The following CLNK variants were observed in gnomAD, a reference collection of about 807,000 sequenced individuals.
CLNK encodes the protein cytokine-dependent hematopoietic cell linker.
In CLNK, 74 loss-of-function variants were observed where a neutral mutation model predicts 68.6. The observed-to-expected ratio is 1.08, with a 90% confidence interval of 0.89 to 1.31. The LOEUF (loss-of-function observed/expected upper bound fraction) is 1.31, where lower values mean the gene tolerates loss of function less well. Among genes scored for constraint, CLNK ranks in the 50% most tolerant of loss-of-function variants. The probability of loss-of-function intolerance (pLI) is 0.00; values close to 1 mark genes in which losing one functional copy is unlikely to be tolerated. For synonymous variants in CLNK, 198 were observed against 172.2 expected (o/e 1.15, Z -1.17); for missense variants, 553 against 515.3 (o/e 1.07, Z -0.71).
chr4:10,704,804 A>C, the CLNK span, among the ~76,000 whole-genome samples: 2 of 152,216 alleles, frequency 1.3e-5, no homozygotes, highest in African/African-American at 4.8e-5. Context: ...TGGAACAATA[A>C]ATGACACAAT....
rs1311320720 is a variant in CLNK at position 10,562,789 on chromosome 4, G to A, written c.399+1882C>T. ...TTTTTTCCTTGACCTTCCTTGTCCT[G>A]CATTATCATTATTTTTCAAAGTACA... On this transcript the variant is annotated intron_variant, in intron 7 of 18. Transcript: ENST00000226951. Among the ~76,000 whole-genome samples the A allele has an allele frequency of 2.0e-5, 3 of 152,052 alleles. No individual in the cohort carries two copies. The East Asian group carries it at 5.8e-4, about 29-fold the overall frequency.
At chr4:10,638,654 A>T (rs911997969) in intron 2 of CLNK, among the ~76,000 whole-genome samples, 11 of 152,238 alleles carry the variant, frequency 7.2e-5, no homozygotes, top group African/African-American at 2.2e-4. Flanking sequence ...TTAAAGCTAG[A>T]GTTGCCCACC....
At chr4:10,600,017 C>T (rs903499941) in intron 2 of CLNK, among the ~76,000 whole-genome samples, 1 of 152,134 alleles carries the variant, frequency 6.6e-6, no homozygotes, top group Admixed American at 6.6e-5. Context: ...AAGATAAAAC[C>T]CAAACTCTTA....
chr4:10,728,385 A>ACT, the CLNK span, among the ~76,000 whole-genome samples: 1 of 146,742 alleles, frequency 6.8e-6, no homozygotes, highest in Non-Finnish European at 1.5e-5. Context: ...TATTCTAAAG[A>ACT]GTGTGTGTGT....
In CLNK at chr4:10,577,821, AT is replaced by A. The variant is rs1013007555; in HGVS notation, c.113-6044del. Reference sequence around the variant, plus strand: ...TAAACGTCTATCGTGTTTAAGCCCCATTTTTTTAAATGTCTTGCAGCCTTTG... The same window carrying A: ...TAAACGTCTATCGTGTTTAAGCCCCATTTTTTAAATGTCTTGCAGCCTTTG... On this transcript the variant is annotated intron_variant, in intron 4 of 18. Coordinates refer to ENST00000226951, the MANE Select transcript of CLNK (RefSeq NM_052964.4). Among the ~76,000 whole-genome samples the A allele has an allele frequency of 2.6e-5, 4 of 152,082 alleles. No individual in the cohort carries two copies. The South Asian group carries it at 8.3e-4, about 32-fold the overall frequency.
At chr4:10,522,741 A>G (rs1050832349) in intron 14 of CLNK, among the ~76,000 whole-genome samples, 1 of 152,252 alleles carries the variant, frequency 6.6e-6, no homozygotes, top group African/African-American at 2.4e-5. Flanking sequence ...ACATCCTTGT[A>G]TCATAATTAT....
At chr4:10,523,909 C>T (rs1718188659) in intron 14 of CLNK, 2 of 369,952 alleles carry the variant, frequency 5.4e-6, no homozygotes, top group South Asian at 2.1e-5. Context: ...CCTATAGTTC[C>T]AGCTACTCTG....
intron 3 of CLNK, among the ~76,000 whole-genome samples, chr4:10,594,843 C>T (rs1721326140): frequency 6.6e-6 from 1 of 152,162 alleles, no homozygotes; most frequent in Admixed American, 6.5e-5. Context: ...ACCTGTAATC[C>T]CAGCACTTTG....
chr4:10,657,430 C>T (rs1020604601), intron 2 of CLNK, among the ~76,000 whole-genome samples: 3 of 152,074 alleles, frequency 2.0e-5, no homozygotes, highest in Admixed American at 6.6e-5. Flanking sequence ...GTTCTTTATG[C>T]CTTATGCATA....
At chr4:10,601,511 G>T (rs973355970) in intron 2 of CLNK, among the ~76,000 whole-genome samples, 8 of 152,178 alleles carry the variant, frequency 5.3e-5, no homozygotes, top group African/African-American at 1.9e-4. Context: ...AGATTTTAGA[G>T]AAACTTTTAA....
At chr4:10,527,901 G>T (rs1718386493) in intron 13 of CLNK, among the ~76,000 whole-genome samples, 175 bp downstream of exon 13, 1 of 152,086 alleles carries the variant, frequency 6.6e-6, no homozygotes, top group African/African-American at 2.4e-5. Flanking sequence ...AGAGGACTCT[G>T]AGGTCCTGGG....
chr4:10,556,162 C>T (rs1420453751), intron 8 of CLNK, among the ~76,000 whole-genome samples: 1 of 152,194 alleles, frequency 6.6e-6, no homozygotes, highest in African/African-American at 2.4e-5. Context: ...CAAAACAGAG[C>T]ACTAACTTAA....
Position 10,525,760 on chromosome 4 carries a change from G to A in CLNK, c.731+81C>T, listed in dbSNP as rs1577106794. 1.4e-5 allele frequency: 11 copies of A among 801,678 alleles called. 1 individual carries two copies. The Middle Eastern group carries it at 9.2e-4, about 67-fold the overall frequency. 49.7% of individuals were successfully genotyped at this position (801,678 alleles called of 1,614,324 possible). A position where few individuals can be genotyped will look rare whatever the true frequency, so the allele number is the denominator to read the frequency against. On this transcript the variant is annotated intron_variant, in intron 14 of 18. Coordinates refer to ENST00000226951, the MANE Select transcript of CLNK (RefSeq NM_052964.4). Reference sequence around the variant, plus strand: ...AACAAAGACTTTCGTTTCTCAGAAAGTCTTTGTGATCATTTATCTGAGACA... The same window carrying A: ...AACAAAGACTTTCGTTTCTCAGAAAATCTTTGTGATCATTTATCTGAGACA...
At chr4:10,576,637 G>A (rs2108831582) in intron 4 of CLNK, among the ~76,000 whole-genome samples, 1 of 152,242 alleles carries the variant, frequency 6.6e-6, no homozygotes, top group South Asian at 2.1e-4. Context: ...AGAGGTGCTT[G>A]GCCAATACCT....
chr4:10,674,337 C>T (rs1446696356), intron 1 of CLNK, among the ~76,000 whole-genome samples: 3 of 152,160 alleles, frequency 2.0e-5, no homozygotes, highest in Non-Finnish European at 4.4e-5. Flanking sequence ...AGAAAAAACA[C>T]CACTGTACTG....
chr4:10,676,357 G>A (rs1045454292), intron 1 of CLNK, among the ~76,000 whole-genome samples: 1 of 149,884 alleles, frequency 6.7e-6, no homozygotes, highest in Non-Finnish European at 1.5e-5. Flanking sequence ...ATTGAGTGGA[G>A]GCCTTTGAAG....
chr4:10,537,687 C>A, intron 11 of CLNK, among the ~76,000 whole-genome samples: 1 of 58,192 alleles, frequency 1.7e-5, no homozygotes. Flanking sequence ...TTCTTCCTTC[C>A]TTCCTTCCTT....
At chr4:10,730,003 A>G in the CLNK span, among the ~76,000 whole-genome samples, 1 of 152,314 alleles carries the variant, frequency 6.6e-6, no homozygotes, top group East Asian at 1.9e-4. Flanking sequence ...TATGAATCAA[A>G]CCTCTAAGTT....
chr4:10,689,372 C>A (rs1021090530), upstream of CLNK, among the ~76,000 whole-genome samples: 1 of 152,150 alleles, frequency 6.6e-6, no homozygotes, highest in Non-Finnish European at 1.5e-5. Context: ...TGGTCTCAAG[C>A]AATCCTCCCA....
Sources: allele counts gnomAD v4.1 joint callset (sites outside exome capture counted in the v4.1 genomes callset), GRCh38; gene constraint gnomAD v4.1.1; transcripts MANE v1.5; gene names NCBI Gene and HGNC (gene_info 2026-07-23, HGNC 2026-07-21).